The following RGL1 variants were observed in gnomAD, a reference collection of about 807,000 sequenced individuals.
The protein encoded by RGL1 is ral guanine nucleotide dissociation stimulator like 1, also known as ral guanine nucleotide dissociation stimulator-like 1.
In RGL1, 24 loss-of-function variants were observed where a neutral mutation model predicts 95.2. The observed-to-expected ratio is 0.25, with a 90% CI of 0.18 to 0.35. RGL1 has a LOEUF of 0.35. Ranked by LOEUF, RGL1 falls within the 10% of genes least tolerant of loss-of-function variation. RGL1 has a pLI of 1.00. For synonymous variants in RGL1, 329 were observed against 344.9 expected, an observed-to-expected ratio of 0.95 and a Z score of 0.51; for missense variants, 715 against 936.3, an observed-to-expected ratio of 0.76 and a Z score of 3.08.
chr1:183,770,369 A>T (rs1283188280), intron 2 of RGL1, among the ~76,000 whole-genome samples: 1 of 152,176 alleles, frequency 6.6e-6, no homozygotes, highest in African/African-American at 2.4e-5. Context: ...TGGCCAAAAA[A>T]GGGGTTAGGC....
chr1:183,670,196 AG>A (rs1286830331), intron 1 of RGL1, among the ~76,000 whole-genome samples: 5 of 152,128 alleles, frequency 3.3e-5, no homozygotes, highest in Non-Finnish European at 5.9e-5. Context: ...ATGACTTAGA[AG>A]GGGTTGGAAT....
At chr1:183,873,235 A>T (rs1452091759) in intron 4 of RGL1, among the ~76,000 whole-genome samples, 1 of 152,254 alleles carries the variant, frequency 6.6e-6, no homozygotes, top group Non-Finnish European at 1.5e-5. Context: ...AGGAAAACAG[A>T]CATCACAATT....
At chr1:183,783,336 T>C (rs1336264313) in intron 2 of RGL1, among the ~76,000 whole-genome samples, 1 of 152,160 alleles carries the variant, frequency 6.6e-6, no homozygotes, top group Non-Finnish European at 1.5e-5. Context: ...ATAATGATAC[T>C]TAGATTGGCA....
intron 3 of RGL1, among the ~76,000 whole-genome samples, chr1:183,858,531 G>A (rs1180212087): frequency 1.3e-5 from 2 of 152,108 alleles, no homozygotes; most frequent in African/African-American, 4.8e-5. Context: ...GCTCTGAAAA[G>A]TAAACCAATC....
intron 2 of RGL1, among the ~76,000 whole-genome samples, chr1:183,766,613 TAAC>T (rs1199845408): frequency 1.3e-5 from 2 of 152,214 alleles, no homozygotes; most frequent in African/African-American, 4.8e-5. Context: ...CTTTTCCAAA[TAAC>T]AAAATATTGT....
chr1:183,638,740 A>T (rs1340426610), intron 1 of RGL1, among the ~76,000 whole-genome samples: 2 of 152,148 alleles, frequency 1.3e-5, no homozygotes, highest in Non-Finnish European at 2.9e-5. Flanking sequence ...AAGACATTTT[A>T]CTTGTTGTGC....
At chr1:183,786,089 A>G (rs1445706580) in intron 2 of RGL1, among the ~76,000 whole-genome samples, 1 of 151,290 alleles carries the variant, frequency 6.6e-6, no homozygotes, top group African/African-American at 2.4e-5. Flanking sequence ...CAATCAATCA[A>G]TCAATGAAAC....
At chr1:183,911,109 G>A (rs1668617004) in intron 14 of RGL1, among the ~76,000 whole-genome samples, 1 of 152,072 alleles carries the variant, frequency 6.6e-6, no homozygotes, top group African/African-American at 2.4e-5. Context: ...TGGGCTGAAG[G>A]TATATCCCTC....
chr1:183,768,933 G>A (rs1659137325), intron 2 of RGL1, among the ~76,000 whole-genome samples: 1 of 152,066 alleles, frequency 6.6e-6, no homozygotes, highest in Admixed American at 6.5e-5. Context: ...TTATAGATAA[G>A]GACCATTCCA....
rs114176452 is a variant in RGL1 at position 183,817,643 on chromosome 1, T to A, written c.138+11158T>A. ...GCTGACTTGTGGAGCTAAATGACCC[T>A]TGTACTCAGAGCTGTAACTGAAAAT... On this transcript the variant is annotated intron_variant, in intron 2 of 17. Coordinates refer to ENST00000360851, the MANE Select transcript of RGL1 (RefSeq NM_001297671.3). Among the ~76,000 whole-genome samples the A allele has an allele frequency of 9.0e-3, 1,378 of 152,282 alleles. 15 individuals carry two copies. The highest frequency in any genetic ancestry group is 0.011 in the Non-Finnish European group (720 of 68,000).
intron 2 of RGL1, among the ~76,000 whole-genome samples, chr1:183,812,764 C>T (rs910343347): frequency 2.0e-5 from 3 of 152,092 alleles, no homozygotes; most frequent in African/African-American, 7.2e-5. Flanking sequence ...AGGGCTGGGA[C>T]GCTGGGGGCC....
intron 1 of RGL1, among the ~76,000 whole-genome samples, chr1:183,704,320 G>A (rs1256632398): frequency 6.6e-6 from 1 of 152,218 alleles, no homozygotes; most frequent in African/African-American, 2.4e-5. Flanking sequence ...ATGGAAGAGT[G>A]TGAGTGCACT....
chr1:183,728,090 T>G (rs1416875787), intron 1 of RGL1, among the ~76,000 whole-genome samples: 1 of 152,104 alleles, frequency 6.6e-6, no homozygotes, highest in East Asian at 1.9e-4. Flanking sequence ...AAGGGAGAAT[T>G]TCCTCTCTCT....
At chr1:183,921,922 T>G (rs907924127) in intron 16 of RGL1, among the ~76,000 whole-genome samples, 10 of 152,232 alleles carry the variant, frequency 6.6e-5, no homozygotes, top group African/African-American at 2.4e-4. Flanking sequence ...TCATATATAT[T>G]CTTTCACGGG....
chr1:183,907,180 C>T, intron 14 of RGL1, 79 bp downstream of exon 14: 1 of 813,216 alleles, frequency 1.2e-6, no homozygotes, highest in Non-Finnish European at 2.1e-6. Context: ...AACAGGATGA[C>T]CTTGAGCCAG....
chr1:183,739,381 G>A (rs1288505744), intron 1 of RGL1, among the ~76,000 whole-genome samples: 1 of 152,224 alleles, frequency 6.6e-6, no homozygotes, highest in African/African-American at 2.4e-5. Flanking sequence ...TGGAGCTGAA[G>A]GCTTTCTGAA....
chr1:183,662,383 G>A (rs930692807), intron 1 of RGL1, among the ~76,000 whole-genome samples: 5 of 151,832 alleles, frequency 3.3e-5, no homozygotes, highest in African/African-American at 1.2e-4. Flanking sequence ...CAAAATCAAT[G>A]TGCAAAAATC....
chr1:183,706,000 A>G (rs1264713593), intron 1 of RGL1, among the ~76,000 whole-genome samples: 1 of 152,092 alleles, frequency 6.6e-6, no homozygotes, highest in East Asian at 1.9e-4. Flanking sequence ...GTGTGGAAGT[A>G]TCCCAAACAG....
At chr1:183,730,293 C>T (rs1656555318) in intron 1 of RGL1, among the ~76,000 whole-genome samples, 1 of 152,118 alleles carries the variant, frequency 6.6e-6, no homozygotes, top group Non-Finnish European at 1.5e-5. Context: ...AGCAACTTCC[C>T]ACTTAAATAC....
Sources: allele counts gnomAD v4.1 joint callset (sites outside exome capture counted in the v4.1 genomes callset), GRCh38; gene constraint gnomAD v4.1.1; transcripts MANE v1.5; gene names NCBI Gene and HGNC (gene_info 2026-07-23, HGNC 2026-07-21).